TUBA1C: variants seen among roughly 807,000 people sequenced by gnomAD.
TUBA1C encodes the protein tubulin alpha-1C chain.
Under a neutral mutation model 34.9 loss-of-function variants are expected in TUBA1C, and 16 were observed. The ratio of observed to expected loss-of-function variants is 0.46; its 90% CI spans 0.31 to 0.70. The LOEUF is 0.70. Among genes scored for constraint, TUBA1C ranks in the 30% least tolerant of loss-of-function variants. The pLI is 0.05. For missense variants in TUBA1C, 329 were observed against 587.3 expected, an observed-to-expected ratio of 0.56 and a Z score of 4.55; for synonymous variants, 177 against 215.9, an observed-to-expected ratio of 0.82 and a Z score of 1.58.
At chr12:49,270,644 C>T (rs1226312706) in intron 3 of TUBA1C, among the ~76,000 whole-genome samples, 5 of 152,160 alleles carry the variant, frequency 3.3e-5, no homozygotes, top group Non-Finnish European at 5.9e-5. Flanking sequence ...CAGATGTTTA[C>T]GTAGTCTTCC....
intron 1 of TUBA1C, among the ~76,000 whole-genome samples, chr12:49,258,476 G>A (rs1592282287): frequency 1.3e-5 from 2 of 152,228 alleles, no homozygotes; most frequent in South Asian, 2.1e-4. Context: ...TGCCCAGGCT[G>A]GAGTGAACTG....
intron 1 of TUBA1C, among the ~76,000 whole-genome samples, chr12:49,258,294 C>A (rs1035689107): frequency 6.6e-6 from 1 of 152,100 alleles, no homozygotes; most frequent in Non-Finnish European, 1.5e-5. Context: ...CCTAGGTCAG[C>A]TGGGTGCAGT....
intron 1 of TUBA1C, among the ~76,000 whole-genome samples, chr12:49,252,037 G>A (rs1300261149): frequency 6.6e-6 from 1 of 152,098 alleles, no homozygotes; most frequent in Non-Finnish European, 1.5e-5. Flanking sequence ...CAAACATTCT[G>A]AGTCTGTCAG....
chr12:49,245,793 G>A (rs1942661211), intron 1 of TUBA1C, among the ~76,000 whole-genome samples: 1 of 152,164 alleles, frequency 6.6e-6, no homozygotes, highest in Admixed American at 6.5e-5. Flanking sequence ...AGCAGGGCAG[G>A]ACCAAAGGTT....
intron 1 of TUBA1C, among the ~76,000 whole-genome samples, chr12:49,238,240 A>G (rs1336517833): frequency 1.3e-5 from 2 of 151,876 alleles, no homozygotes; most frequent in African/African-American, 4.9e-5. Flanking sequence ...CATCTATTGT[A>G]TCCCACAATT....
intron 1 of TUBA1C, among the ~76,000 whole-genome samples, chr12:49,253,378 T>C (rs1021412589): frequency 2.6e-5 from 4 of 152,128 alleles, no homozygotes; most frequent in African/African-American, 9.7e-5. Flanking sequence ...TGTAGCGGAA[T>C]AGAGGACAGT....
In TUBA1C at chr12:49,269,897, C is replaced by T. The variant is rs11542118; in HGVS notation, c.296C>T (p.Ala99Val). ...PEQLITGKED[A>V]ANNYARGHYT... is the part of the protein sequence containing the mutation. ...CAACTCATCACAGGCAAGGAAGATG[C>T]TGCCAATAACTATGCCCGAGGGCAC... Residue 99 changes from alanine (A) to valine (V), a missense_variant, in exon 3 of 4, where the codon GCT becomes GTT. By Grantham distance (64) the Ala-to-Val change is moderately conservative. Transcript: ENST00000301072. 6.2e-7 allele frequency: 1 copy of T among 1,614,198 alleles called. No individual in the cohort carries two copies. Among genetic ancestry groups the T allele is most frequent in the African/African-American group, 1.3e-5 (1 of 75,050 alleles).
chr12:49,254,075 G>A (rs1428767444), intron 1 of TUBA1C, among the ~76,000 whole-genome samples: 1 of 152,150 alleles, frequency 6.6e-6, no homozygotes. Flanking sequence ...AGTTTGGGAG[G>A]CCGAGGCAGG....
chr12:49,259,875 G>A (rs550568138), intron 1 of TUBA1C, among the ~76,000 whole-genome samples: 5 of 152,244 alleles, frequency 3.3e-5, no homozygotes, highest in South Asian at 4.1e-4. Context: ...GGAGGAGGCA[G>A]GTGGAGATGC....
intron 1 of TUBA1C, 31 bp from the exon 2 acceptor site, chr12:49,269,434 A>ACC: frequency 6.2e-7 from 1 of 1,613,552 alleles, no homozygotes; most frequent in African/African-American, 1.3e-5. Context: ...GATGTATTAT[A>ACC]CCCTGACATT....
chr12:49,231,866 G>T (rs1942501521), intron 1 of TUBA1C, among the ~76,000 whole-genome samples: 1 of 152,182 alleles, frequency 6.6e-6, no homozygotes, highest in Non-Finnish European at 1.5e-5. Context: ...ACTTTCAGAG[G>T]CATCCATAAT....
chr12:49,264,744 T>C (rs1394823261), upstream of TUBA1C: 1 of 168,410 alleles, frequency 5.9e-6, no homozygotes, highest in Non-Finnish European at 1.3e-5. Flanking sequence ...CTCCTCCCAG[T>C]GGACACCTCT....
At chr12:49,235,460 C>T (rs1273156466) in intron 1 of TUBA1C, among the ~76,000 whole-genome samples, 1 of 152,030 alleles carries the variant, frequency 6.6e-6, no homozygotes, top group East Asian at 1.9e-4. Context: ...CCAGGCTGGG[C>T]GCAGTGGCTC....
At chr12:49,262,773 C>T (rs975242139), upstream of TUBA1C, among the ~76,000 whole-genome samples, 6 of 152,028 alleles carry the variant, frequency 3.9e-5, no homozygotes, top group Non-Finnish European at 8.8e-5. Context: ...GAGCGAGACT[C>T]CATGTCAAAA....
chr12:49,250,750 T>A (rs953533341), intron 1 of TUBA1C, among the ~76,000 whole-genome samples: 2 of 151,458 alleles, frequency 1.3e-5, no homozygotes, highest in African/African-American at 4.9e-5. Flanking sequence ...ATCTCTACCA[T>A]ACACACACAA....
chr12:49,240,596 A>G (rs1942604973), intron 1 of TUBA1C, among the ~76,000 whole-genome samples: 1 of 151,702 alleles, frequency 6.6e-6, no homozygotes, highest in African/African-American at 2.4e-5. Context: ...TTATCTACTT[A>G]TTTATTTTTG....
intron 1 of TUBA1C, among the ~76,000 whole-genome samples, chr12:49,230,897 C>A (rs759731642): frequency 2.0e-5 from 3 of 152,132 alleles, no homozygotes; most frequent in Non-Finnish European, 4.4e-5. Flanking sequence ...GTTTTGTCAT[C>A]TGGAAAATAA....
chr12:49,254,484 C>CAAAAAAAAAAA (rs764051406), intron 1 of TUBA1C, among the ~76,000 whole-genome samples: 1 of 29,700 alleles, frequency 3.4e-5, no homozygotes, highest in African/African-American at 1.0e-4. Flanking sequence ...TCCATCTAAA[C>CAAAAAAAAAAA]AAAAAAAAAA....
In TUBA1C at chr12:49,255,137, C is replaced by T. The variant is rs958093543; in HGVS notation, c.214-14328C>T. On this transcript the variant is annotated intron_variant, in intron 1 of 3. Transcript: ENST00000541364. ...CTCACACCAAATGCAGATGGAGAAA[C>T]TCACCCAAAATACAACTACGGACCT... Among the ~76,000 whole-genome samples the T allele has an allele frequency of 2.6e-5, 4 of 151,990 alleles. No individual in the cohort carries two copies. In the East Asian group the frequency reaches 7.7e-4, roughly 29 times the overall value.
Sources: allele counts gnomAD v4.1 joint callset (sites outside exome capture counted in the v4.1 genomes callset), GRCh38; gene constraint gnomAD v4.1.1; transcripts MANE v1.5; gene names NCBI Gene and HGNC (gene_info 2026-07-23, HGNC 2026-07-21).